The following JAM3 variants were observed in gnomAD, a reference collection of about 807,000 sequenced individuals.
The protein encoded by JAM3 is junctional adhesion molecule C.
A neutral mutation model predicts 39.4 loss-of-function variants in JAM3; 31 were observed. The observed-to-expected ratio is 0.79, with a 90% CI of 0.59 to 1.06. The LOEUF (loss-of-function observed/expected upper bound fraction) is 1.06, where lower values mean the gene tolerates loss of function less well. Ranked by LOEUF, JAM3 falls within the 50% of genes least tolerant of loss-of-function variation. JAM3 has a pLI of 0.00. For synonymous variants in JAM3, 182 were observed against 148.7 expected (o/e 1.22, Z -1.63); for missense variants, 455 against 391.4 (o/e 1.16, Z -1.37).
chr11:134,150,793 G>A lies in JAM3; in HGVS notation c.*1612G>A, dbSNP rs780499622. ...ACAGAGAAAGCACCCAGACGCCACA[G>A]GCTCTGTCGCATTTCAAAACAAACC... On this transcript the variant is annotated 3_prime_UTR_variant, in exon 9 of 9. Coordinates refer to ENST00000299106, the MANE Select transcript of JAM3 (RefSeq NM_032801.5). The A allele has an allele frequency of 1.8e-4, 28 of 152,184 alleles. No individual in the cohort carries two copies. The highest frequency in any genetic ancestry group is 3.1e-4 in the Non-Finnish European group (21 of 68,026). 9.4% of individuals were successfully genotyped at this position (152,184 alleles called of 1,614,324 possible). A position where few individuals can be genotyped will look rare whatever the true frequency, so the allele number is the denominator to read the frequency against.
intron 1 of JAM3, among the ~76,000 whole-genome samples, chr11:134,078,759 C>T (rs952570471): frequency 6.6e-6 from 1 of 152,166 alleles, no homozygotes; most frequent in African/African-American, 2.4e-5. Context: ...AAATTATGGG[C>T]CGAGCACAGT....
At chr11:134,128,066 GTTT>G (rs1942686443) in intron 1 of JAM3, among the ~76,000 whole-genome samples, 1 of 151,416 alleles carries the variant, frequency 6.6e-6, no homozygotes, top group Non-Finnish European at 1.5e-5. Flanking sequence ...GTTGCTTACA[GTTT>G]AAAAAAAAAA....
At chr11:134,085,310 A>G (rs982422972) in intron 1 of JAM3, among the ~76,000 whole-genome samples, 6 of 152,228 alleles carry the variant, frequency 3.9e-5, no homozygotes, top group African/African-American at 1.4e-4. Context: ...AACTATTAAT[A>G]TTAAATTTTA....
At position 134,144,773 on chromosome 11, in the gene JAM3, C is replaced by T. The variant is rs758601524; in HGVS notation, c.410-19C>T. On this transcript the variant is annotated intron_variant, in intron 4 of 8. Coordinates refer to ENST00000299106, the MANE Select transcript of JAM3 (RefSeq NM_032801.5). The stretch of plus-strand genomic sequence containing the variant: ...GCCCTGTCACTGAGATCTTAAACAC[C>T]ACCCCTTTTTCCCCACAGTGAAGCC... 2.4e-5 allele frequency: 38 copies of T among 1,567,072 alleles called. No individual in the cohort carries two copies. The Admixed American group carries it at 3.5e-4, about 14-fold the overall frequency.
At chr11:134,132,380 G>T (rs1942786012) in intron 1 of JAM3, among the ~76,000 whole-genome samples, 1 of 152,194 alleles carries the variant, frequency 6.6e-6, no homozygotes, top group African/African-American at 2.4e-5. Context: ...ATAAGTGAAA[G>T]TTGAGGGAGT....
At chr11:134,102,708 G>A (rs1942099079) in intron 1 of JAM3, among the ~76,000 whole-genome samples, 1 of 152,190 alleles carries the variant, frequency 6.6e-6, no homozygotes, top group Non-Finnish European at 1.5e-5. Context: ...TGAGAACTAC[G>A]TGACGAATGC....
In JAM3 at chr11:134,149,799, C is replaced by A; in HGVS notation, c.*618C>A. The A allele has an allele frequency of 2.5e-6, 1 of 403,364 alleles. No individual in the cohort carries two copies. Among genetic ancestry groups the A allele is most frequent in the South Asian group, 1.8e-5 (1 of 54,720 alleles). The allele number at this position is 403,364 out of a possible 1,614,324, so 25.0% of individuals were successfully genotyped here. On this transcript the variant is annotated 3_prime_UTR_variant, in exon 9 of 9. Transcript: ENST00000299106. The stretch of plus-strand genomic sequence containing the variant: ...GTAAATTGGTTGCTGGAAGAGGGAT[C>A]TTGCCTGAGGAACCCTGCTTGTCCA...
At chr11:134,144,738 T>G in intron 4 of JAM3, 54 bp from the exon 5 acceptor site, 2 of 1,490,422 alleles carry the variant, frequency 1.3e-6, no homozygotes, top group Non-Finnish European at 1.9e-6. Context: ...TGGGCTTTAA[T>G]AAGAATAGAG....
Position 134,149,330 on chromosome 11 carries a change from TTCTTAC to T in JAM3, c.*153_*158del, listed in dbSNP as rs976662232. The T allele has an allele frequency of 1.2e-6, 1 of 825,946 alleles. No homozygotes were observed. Among genetic ancestry groups the T allele is most frequent in the Non-Finnish European group, 2.0e-6 (1 of 500,868 alleles). 51.2% of individuals were successfully genotyped at this position (825,946 alleles called of 1,614,324 possible). A position where few individuals can be genotyped will look rare whatever the true frequency, so the allele number is the denominator to read the frequency against. ...TTTTGGCCAAAGTTGACCACTACTCTTCTTACTCTAACAAGCCACATGAATAGAAGA... is the reference window on the plus strand; with the variant it reads ...TTTTGGCCAAAGTTGACCACTACTCTTCTAACAAGCCACATGAATAGAAGA... On this transcript the variant is annotated 3_prime_UTR_variant, in exon 9 of 9. Coordinates refer to ENST00000299106, the MANE Select transcript of JAM3 (RefSeq NM_032801.5).
At chr11:134,138,327 G>T (rs112136674) in intron 1 of JAM3, among the ~76,000 whole-genome samples, 2 of 140,764 alleles carry the variant, frequency 1.4e-5, no homozygotes, top group Non-Finnish European at 3.1e-5. Context: ...GCGTCTGGTC[G>T]AAGTCGTGGT....
chr11:134,123,602 GAATT>G (rs1279296999), intron 1 of JAM3, among the ~76,000 whole-genome samples: 2 of 152,200 alleles, frequency 1.3e-5, no homozygotes, highest in South Asian at 2.1e-4. Context: ...ATCCTTCACT[GAATT>G]AATTCCTTTT....
At chr11:134,113,983 A>T (rs1299716541) in intron 1 of JAM3, among the ~76,000 whole-genome samples, 1 of 152,088 alleles carries the variant, frequency 6.6e-6, no homozygotes, top group Non-Finnish European at 1.5e-5. Context: ...TGGCTGCATA[A>T]ATGTCTTCTT....
chr11:134,139,641 C>T, intron 1 of JAM3: 1 of 589,910 alleles, frequency 1.7e-6, no homozygotes, highest in East Asian at 3.0e-5. Flanking sequence ...TAGAACTCTT[C>T]TCTTTCCCTT....
chr11:134,080,689 C>T (rs572154009), intron 1 of JAM3, among the ~76,000 whole-genome samples: 9 of 152,256 alleles, frequency 5.9e-5, no homozygotes, highest in East Asian at 3.9e-4. Context: ...TGCCCAGTCT[C>T]GGGTATGTCT....
At position 134,150,631 on chromosome 11, in the gene JAM3, C is replaced by A. The variant is rs1483017800; in HGVS notation, c.*1450C>A. ...TATGGATGGCTCACAAAATAGGGCC[C>A]CCAATGCTATTTTTTTTTTTTAAGT... On this transcript the variant is annotated 3_prime_UTR_variant, in exon 9 of 9. Transcript: ENST00000299106. 1 of 150,384 alleles carries A rather than the reference C, an allele frequency of 6.6e-6. No homozygotes were observed. The highest frequency in any genetic ancestry group is 1.5e-5 in the Non-Finnish European group (1 of 67,952). 9.3% of individuals were successfully genotyped at this position (150,384 alleles called of 1,614,324 possible).
chr11:134,098,661 A>G (rs1023244456), intron 1 of JAM3, among the ~76,000 whole-genome samples: 1 of 152,124 alleles, frequency 6.6e-6, no homozygotes, highest in East Asian at 1.9e-4. Flanking sequence ...AGTACACTGA[A>G]CTCATGAATT....
chr11:134,097,043 T>C (rs748851087), intron 1 of JAM3, among the ~76,000 whole-genome samples: 4 of 152,132 alleles, frequency 2.6e-5, no homozygotes, highest in Non-Finnish European at 5.9e-5. Context: ...AGGGCTGGAA[T>C]GTAGTCACTG....
intron 1 of JAM3, among the ~76,000 whole-genome samples, chr11:134,094,499 C>T (rs1348735294): frequency 2.0e-5 from 3 of 150,458 alleles, no homozygotes; most frequent in South Asian, 4.3e-4. Context: ...GGAAACTTCT[C>T]CTGAACCCTC....
chr11:134,139,537 A>T (rs1181456700), intron 1 of JAM3: 3 of 369,262 alleles, frequency 8.1e-6, no homozygotes, highest in Non-Finnish European at 1.6e-5. Flanking sequence ...CAGGTCTGGG[A>T]GGAGAGGTGT....
Sources: allele counts gnomAD v4.1 joint callset (sites outside exome capture counted in the v4.1 genomes callset), GRCh38; gene constraint gnomAD v4.1.1; transcripts MANE v1.5; gene names NCBI Gene and HGNC (gene_info 2026-07-23, HGNC 2026-07-21).